CNTN5: variants seen among roughly 807,000 people sequenced by gnomAD.
The protein encoded by CNTN5 is contactin 5.
A neutral mutation model predicts 129.1 loss-of-function variants in CNTN5; 77 were observed. That is an observed-to-expected ratio of 0.60 (90% CI 0.50 to 0.72). The LOEUF (loss-of-function observed/expected upper bound fraction) is 0.72. Ranked by LOEUF, CNTN5 falls within the 30% of genes least tolerant of loss-of-function variation. The pLI, the probability that CNTN5 is intolerant of heterozygous loss-of-function variation, is 0.00. For synonymous variants in CNTN5, 509 were observed against 465.6 expected (o/e 1.09, Z -1.20); for missense variants, 1,478 against 1,328.8 (o/e 1.11, Z -1.75).
chr11:99,716,548 C>T (rs1269466515), intron 3 of CNTN5, among the ~76,000 whole-genome samples: 2 of 152,010 alleles, frequency 1.3e-5, no homozygotes, highest in East Asian at 3.9e-4. Flanking sequence ...CTAACCTTAA[C>T]ACATCCTGCC....
intron 2 of CNTN5, among the ~76,000 whole-genome samples, chr11:99,395,242 G>T (rs1475337015): frequency 6.6e-6 from 1 of 151,864 alleles, no homozygotes; most frequent in Non-Finnish European, 1.5e-5. Flanking sequence ...TCCGACTGGT[G>T]TGAGATGGTA....
In CNTN5 at chr11:99,021,288, C is replaced by G. The variant is rs1365280513; in HGVS notation, c.-210+18C>G. 1 of 152,222 alleles carries G rather than the reference C, an allele frequency of 6.6e-6. No individual in the cohort carries two copies. The highest frequency in any genetic ancestry group is 2.4e-5 in the African/African-American group (1 of 41,434). The allele number at this position is 152,222 out of a possible 1,614,324, so 9.4% of individuals were successfully genotyped here. A position where few individuals can be genotyped will look rare whatever the true frequency, so the allele number is the denominator to read the frequency against. ...TCTTATTGGTAAGTGGCTGACATTC[C>G]TTTGCCAGTGACTGCGTTCTGTGAT... On this transcript the variant is annotated intron_variant, in intron 1 of 24. Coordinates refer to ENST00000524871, the MANE Select transcript of CNTN5 (RefSeq NM_014361.4).
chr11:99,433,126 A>G (rs543834731), intron 2 of CNTN5, among the ~76,000 whole-genome samples: 199 of 152,176 alleles, frequency 1.3e-3, no homozygotes, highest in Admixed American at 3.1e-3. Flanking sequence ...AGGAACAAAG[A>G]GGACATTTAC....
chr11:99,894,438 T>G (rs559391806), intron 6 of CNTN5, among the ~76,000 whole-genome samples: 1 of 150,038 alleles, frequency 6.7e-6, no homozygotes, highest in Non-Finnish European at 1.5e-5. Context: ...CACAAGCTAT[T>G]TTTGTTTACC....
At chr11:99,771,448 CAATG>C (rs1415359163) in intron 3 of CNTN5, among the ~76,000 whole-genome samples, 1 of 151,756 alleles carries the variant, frequency 6.6e-6, no homozygotes, top group Non-Finnish European at 1.5e-5. Flanking sequence ...TATTTACACA[CAATG>C]AAATATTATT....
chr11:99,888,402 A>T (rs1948956630), intron 6 of CNTN5, among the ~76,000 whole-genome samples: 1 of 152,190 alleles, frequency 6.6e-6, no homozygotes. Context: ...TGAAATGTTG[A>T]TACTACTCTA....
chr11:100,340,545 C>G lies in CNTN5; in HGVS notation c.2813C>G (p.Thr938Arg). ...GGGAATGAGTCTTTCGTCATCCTAA[C>G]AGGATTAGAAGGAAATACGTTATAT... ...TRGNESFVIL[T>R]GLEGNTLYHF... The change falls in exon 22 of 25, where the codon ACA becomes AGA. Residue 938 changes from threonine (T) to arginine (R), a missense_variant. Coordinates refer to ENST00000524871, the MANE Select transcript of CNTN5 (RefSeq NM_014361.4). The G allele has an allele frequency of 6.2e-7, 1 of 1,612,876 alleles. No homozygotes were observed. Among genetic ancestry groups the G allele is most frequent in the Non-Finnish European group, 8.5e-7 (1 of 1,179,250 alleles).
At chr11:100,324,131 C>CA (rs1565429002) in intron 21 of CNTN5, among the ~76,000 whole-genome samples, 1 of 152,100 alleles carries the variant, frequency 6.6e-6, no homozygotes, top group African/African-American at 2.4e-5. Flanking sequence ...TTGAGGACTG[C>CA]AACCCAGGAG....
intron 16 of CNTN5, among the ~76,000 whole-genome samples, chr11:100,245,793 C>T (rs1463084937): frequency 9.2e-5 from 14 of 151,894 alleles, no homozygotes; most frequent in Non-Finnish European, 1.8e-4. Context: ...AATAAAACCC[C>T]GGAGCCACTT....
chr11:99,375,232 G>A (rs1218548186), intron 2 of CNTN5, among the ~76,000 whole-genome samples: 1 of 139,566 alleles, frequency 7.2e-6, no homozygotes, highest in South Asian at 2.4e-4. Context: ...GAATCCAGGA[G>A]GCAAAGGTTG....
At chr11:99,408,459 A>AG (rs1491145841) in intron 2 of CNTN5, among the ~76,000 whole-genome samples, 174 of 141,594 alleles carry the variant, frequency 1.2e-3, no homozygotes, top group Middle Eastern at 3.7e-3. Context: ...AGAAAGAAAG[A>AG]AAGAAAGAAA....
intron 1 of CNTN5, among the ~76,000 whole-genome samples, chr11:99,029,666 A>G (rs1340093306): frequency 6.6e-6 from 1 of 152,148 alleles, no homozygotes; most frequent in Non-Finnish European, 1.5e-5. Flanking sequence ...TTTTAATGCA[A>G]AGAGAGAGGT....
intron 2 of CNTN5, among the ~76,000 whole-genome samples, chr11:99,520,210 CTAAATA>C (rs1256290161): frequency 3.3e-5 from 5 of 152,052 alleles, no homozygotes; most frequent in African/African-American, 1.2e-4. Context: ...TTGAAATACT[CTAAATA>C]TAAAGTGAGA....
chr11:99,531,959 A>G (rs563322519), intron 2 of CNTN5, among the ~76,000 whole-genome samples: 1 of 152,234 alleles, frequency 6.6e-6, no homozygotes, highest in East Asian at 1.9e-4. Flanking sequence ...GAACCCACAC[A>G]GAGTCCCTTC....
chr11:99,153,796 G>A (rs1452344895), intron 1 of CNTN5, among the ~76,000 whole-genome samples: 1 of 131,588 alleles, frequency 7.6e-6, no homozygotes, highest in Non-Finnish European at 1.6e-5. Context: ...AATATTTGAA[G>A]TTACTCCCCT....
intron 1 of CNTN5, among the ~76,000 whole-genome samples, chr11:99,204,861 C>T (rs1565401295): frequency 6.6e-6 from 1 of 152,102 alleles, no homozygotes. Context: ...GTTCCTTGCA[C>T]TTTTATTTCT....
chr11:99,201,845 C>T (rs1375702517), intron 1 of CNTN5, among the ~76,000 whole-genome samples: 1 of 152,192 alleles, frequency 6.6e-6, no homozygotes, highest in Non-Finnish European at 1.5e-5. Flanking sequence ...TTAAAAGAAA[C>T]ATAGCCCTGC....
intron 1 of CNTN5, among the ~76,000 whole-genome samples, chr11:99,050,674 T>C (rs986573254): frequency 1.3e-5 from 2 of 151,808 alleles, no homozygotes; most frequent in Non-Finnish European, 2.9e-5. Context: ...GTTACTCACA[T>C]AGTTACTATT....
chr11:99,209,722 AT>A (rs1446229703), intron 1 of CNTN5, among the ~76,000 whole-genome samples: 8 of 152,178 alleles, frequency 5.3e-5, no homozygotes, highest in African/African-American at 1.9e-4. Context: ...ATGAATAGTA[AT>A]GAATAGACAG....
Sources: gnomAD v4.1 joint callset for allele counts (sites outside exome capture counted in the v4.1 genomes callset) on GRCh38, gnomAD v4.1.1 for gene constraint, MANE v1.5 for transcripts, NCBI Gene and HGNC (gene_info 2026-07-23, HGNC 2026-07-21) for gene names.